USP20: variants seen among roughly 807,000 people sequenced by gnomAD.
The protein encoded by USP20 is ubiquitin specific peptidase 20.
In USP20, 80 loss-of-function variants were observed where a neutral mutation model predicts 124.2. The ratio of observed to expected loss-of-function variants is 0.64; its 90% CI spans 0.54 to 0.78. The LOEUF (loss-of-function observed/expected upper bound fraction) is 0.78. Ranked by LOEUF, USP20 falls within the 30% of genes least tolerant of loss-of-function variation. The pLI is 0.00. For missense variants in USP20, 1,043 were observed against 1,244.4 expected (o/e 0.84, Z 2.44); for synonymous variants, 481 against 512.3 (o/e 0.94, Z 0.83).
At chr9:129,872,914 T>A (rs7863899) in intron 15 of USP20, among the ~76,000 whole-genome samples, 1 of 151,836 alleles carries the variant, frequency 6.6e-6, no homozygotes, top group Non-Finnish European at 1.5e-5. Context: ...CCATTTTGCC[T>A]TTTGCCTTTT....
intron 22 of USP20, among the ~76,000 whole-genome samples, chr9:129,876,953 G>A (rs759482049): frequency 6.6e-6 from 1 of 152,076 alleles, no homozygotes; most frequent in Non-Finnish European, 1.5e-5. Flanking sequence ...GGTCCCCTGG[G>A]GTGCAGAGTA....
chr9:129,880,036 G>A (rs902202259), intron 24 of USP20, 77 bp from the exon 25 acceptor site: 21 of 1,549,276 alleles, frequency 1.4e-5, no homozygotes, highest in Admixed American at 5.7e-5. Context: ...CTGGCCCTGC[G>A]GAGCCCCCAC....
rs1047677755 is a variant in USP20, at chr9:129,858,217, G to A, written c.198+105G>A. ...GGCCTAAATGGCTGGGGCAATAAAT[G>A]GTGTCATCCTAGCATAGCTTCTGCA... On this transcript the variant is annotated intron_variant, in intron 5 of 25. Coordinates refer to ENST00000372429, the MANE Select transcript of USP20 (RefSeq NM_001110303.4). 39 of 1,300,772 alleles carry A rather than the reference G, an allele frequency of 3.0e-5. No individual in the cohort carries two copies. In the Admixed American group the frequency reaches 7.3e-4, roughly 24 times the overall value. 80.6% of individuals were successfully genotyped at this position (1,300,772 alleles called of 1,614,324 possible).
rs1479981835 is a variant in USP20, at chr9:129,869,736, C to A, written c.1457C>A (p.Ala486Asp). Residue 486 changes from alanine (A) to aspartate (D), a missense_variant, in exon 14 of 26, where the codon GCC (alanine) becomes GAC (aspartate). By Grantham distance (126) the Ala-to-Asp change is moderately radical. Transcript: ENST00000372429. ...SLPIPGKEDL[A>D]KLHSAIYQNV... is the part of the protein sequence containing the mutation. ...CCCATTCCTGGAAAGGAGGACCTGG[C>A]CAAGCTCCATTCAGCCATCTACCAG... The A allele has an allele frequency of 6.2e-7, 1 of 1,614,134 alleles. No homozygotes were observed. The highest frequency in any genetic ancestry group is 8.5e-7 in the Non-Finnish European group (1 of 1,180,040).
At chr9:129,837,496 T>C (rs1437542658) in intron 1 of USP20, among the ~76,000 whole-genome samples, 1 of 152,154 alleles carries the variant, frequency 6.6e-6, no homozygotes, top group Non-Finnish European at 1.5e-5. Context: ...ATCCAATAAA[T>C]GTATTTATTG....
Position 129,880,195 on chromosome 9 carries a change from CCA to C in USP20, c.2668_2669del (p.Gln890GlufsTer175). 3 of 1,613,858 alleles carry C rather than the reference CCA, an allele frequency of 1.9e-6. No individual in the cohort carries two copies. Among genetic ancestry groups the C allele is most frequent in the Non-Finnish European group, 2.5e-6 (3 of 1,180,024 alleles). ...GAGGTGGCCCCGAGATTGCCATCCGCCAGAGTGTGGCGCAGCCGCTGGGCCCA... is the reference window on the plus strand; with the variant it reads ...GAGGTGGCCCCGAGATTGCCATCCGCGAGTGTGGCGCAGCCGCTGGGCCCA... ...YGGGPEIAIR[Q>X]SVAQPLGPEN... On this transcript the variant is annotated frameshift_variant, in exon 25 of 26. Transcript: ENST00000372429. LOFTEE classifies it high-confidence loss of function.
chr9:129,843,943 T>C (rs2032385042), intron 1 of USP20, among the ~76,000 whole-genome samples: 1 of 152,070 alleles, frequency 6.6e-6, no homozygotes, highest in Non-Finnish European at 1.5e-5. Flanking sequence ...AGTGCATGCC[T>C]GTAGTCCTAG....
At chr9:129,857,474 G>A (rs983405738) in intron 4 of USP20, among the ~76,000 whole-genome samples, 2 of 152,220 alleles carry the variant, frequency 1.3e-5, no homozygotes, top group Non-Finnish European at 2.9e-5. Flanking sequence ...GGCTCACAGT[G>A]GAAGCACTGA....
rs563906306 is a variant in USP20 at position 129,861,497 on chromosome 9, G to A, written c.428-46G>A. On this transcript the variant is annotated intron_variant, in intron 7 of 25. Transcript: ENST00000372429. ...ATGTGACTTGCAAGGTTTCCTCGGT[G>A]GGGCAGGGTGCTCACCTGCTCCTCC... 9 of 1,575,364 alleles carry A rather than the reference G, an allele frequency of 5.7e-6. No individual in the cohort carries two copies. In the East Asian group the frequency reaches 2.0e-4, roughly 35 times the overall value.
chr9:129,861,590 G>A lies in USP20; in HGVS notation c.475G>A (p.Ala159Thr). 2 of 1,614,090 alleles carry A rather than the reference G, an allele frequency of 1.2e-6. No individual in the cohort carries two copies. Among genetic ancestry groups the A allele is most frequent in the Non-Finnish European group, 8.5e-7 (1 of 1,179,998 alleles). ...CGGGAACTCCTGCTACATGAACGCT[G>A]CCCTGCAGGCCCTGTCCAATTGGTA... ...NLGNSCYMNA[A>T]LQALSNCPPL... is the part of the protein sequence containing the mutation. Residue 159 changes from alanine to threonine, a missense_variant, in exon 8 of 26, where the codon GCC becomes ACC. Coordinates refer to ENST00000372429, the MANE Select transcript of USP20 (RefSeq NM_001110303.4).
chr9:129,855,666 G>A (rs1468767835), intron 3 of USP20, among the ~76,000 whole-genome samples: 1 of 152,190 alleles, frequency 6.6e-6, no homozygotes, highest in Non-Finnish European at 1.5e-5. Context: ...CTAGAACTGA[G>A]CCACATGATC....
intron 12 of USP20, 101 bp from the exon 13 acceptor site, chr9:129,869,209 C>A: frequency 1.5e-6 from 2 of 1,339,174 alleles, no homozygotes; most frequent in Non-Finnish European, 2.1e-6. Flanking sequence ...TCATGTGACT[C>A]ACGGATGTCA....
chr9:129,875,454 C>T lies in USP20; in HGVS notation c.2193C>T (p.Asn731=). The T allele has an allele frequency of 6.2e-7, 1 of 1,613,560 alleles. No homozygotes were observed. Among genetic ancestry groups the T allele is most frequent in the Non-Finnish European group, 8.5e-7 (1 of 1,179,812 alleles). The stretch of plus-strand genomic sequence containing the variant: ...TCGCGGAGCCAGGCCCCATCACCAA[C>T]CAGACCTTCCTCTGCTCCCACGGAG... ...NTFAEPGPIT[N]QTFLCSHGGI... Residue 731 remains asparagine (N), a synonymous_variant, in exon 20 of 26, where the codon AAC becomes AAT. Transcript: ENST00000372429.
chr9:129,850,974 TCA>T (rs2032886453), intron 2 of USP20, among the ~76,000 whole-genome samples: 1 of 152,114 alleles, frequency 6.6e-6, no homozygotes, highest in Non-Finnish European at 1.5e-5. Context: ...TTTTTAAGAC[TCA>T]TGCAGTCACA....
intron 2 of USP20, among the ~76,000 whole-genome samples, chr9:129,851,321 A>G (rs1588251122): frequency 6.9e-6 from 1 of 144,146 alleles, no homozygotes; most frequent in Non-Finnish European, 1.5e-5. Flanking sequence ...GTGCAGTGGC[A>G]TGGTCACGGC....
In USP20 at chr9:129,864,950, C is replaced by T. The variant is rs147820953; in HGVS notation, c.612-353C>T. Among the ~76,000 whole-genome samples, 704 of 152,192 alleles carry T rather than the reference C, an allele frequency of 4.6e-3. 4 individuals are homozygous for T. The highest frequency in any genetic ancestry group is 0.01 in the Middle Eastern group (3 of 294). On this transcript the variant is annotated intron_variant, in intron 9 of 25. Transcript: ENST00000372429. ...GGTGGTGTTTTTCTCTTGTACTTTT[C>T]TGAAATTTTAGATTTGTCAATAATG...
Position 129,868,140 on chromosome 9 carries a change from C to G in USP20, c.826C>G (p.Arg276Gly). ...SDTDEKREGDRSPSEDEFLSC... is the reference protein window; with the variant it reads ...SDTDEKREGDGSPSEDEFLSC... ...CACGGATGAGAAACGGGAGGGTGAC[C>G]GGAGCCCATCAGAAGATGAGTTCTT... The change falls in exon 11 of 26, where the codon CGG (arginine) becomes GGG (glycine). Residue 276 changes from arginine (R) to glycine (G), a missense_variant. Transcript: ENST00000372429. The G allele has an allele frequency of 6.2e-7, 1 of 1,614,082 alleles. No homozygotes were observed. Among genetic ancestry groups the G allele is most frequent in the Non-Finnish European group, 8.5e-7 (1 of 1,180,012 alleles).
intron 1 of USP20, among the ~76,000 whole-genome samples, chr9:129,842,908 T>C (rs536434669): frequency 6.6e-6 from 1 of 152,208 alleles, no homozygotes; most frequent in African/African-American, 2.4e-5. Flanking sequence ...TGTGGAATAT[T>C]AAGCACCCAG....
At chr9:129,874,438 C>A in intron 17 of USP20, 138 bp from the exon 18 acceptor site, 1 of 1,137,108 alleles carries the variant, frequency 8.8e-7, no homozygotes, top group Non-Finnish European at 1.2e-6. Context: ...CCCAGTCTGG[C>A]CCCCACGTGG....
Sources: gnomAD v4.1 joint callset for allele counts (sites outside exome capture counted in the v4.1 genomes callset) on GRCh38, gnomAD v4.1.1 for gene constraint, MANE v1.5 for transcripts, NCBI Gene and HGNC (gene_info 2026-07-23, HGNC 2026-07-21) for gene names.